Variants in SLC35F1 observed in about 807,000 individuals in gnomAD.
SLC35F1 encodes the protein chromosome 6 open reading frame 169.
In SLC35F1, 14 loss-of-function variants were observed where a neutral mutation model predicts 48.7. That is an observed-to-expected ratio of 0.29 (90% CI 0.19 to 0.45). The LOEUF (loss-of-function observed/expected upper bound fraction) is 0.45, where lower values mean the gene tolerates loss of function less well. Ranked by LOEUF, SLC35F1 falls within the 20% of genes least tolerant of loss-of-function variation. SLC35F1 has a pLI of 1.00. For synonymous variants in SLC35F1, 190 were observed against 202.2 expected (o/e 0.94, Z 0.51); for missense variants, 404 against 500.0 (o/e 0.81, Z 1.83).
At chr6:118,220,385 C>T (rs1410459917) in intron 2 of SLC35F1, among the ~76,000 whole-genome samples, 3 of 151,942 alleles carry the variant, frequency 2.0e-5, no homozygotes, top group Admixed American at 1.3e-4. Flanking sequence ...CATTCCCTTC[C>T]CCTGGGCTCT....
intron 2 of SLC35F1, among the ~76,000 whole-genome samples, chr6:118,199,293 G>A (rs1774842423): frequency 6.6e-6 from 1 of 152,148 alleles, no homozygotes; most frequent in Non-Finnish European, 1.5e-5. Context: ...GTCAGTCAAG[G>A]TCATCTGGGG....
chr6:118,026,706 GA>G (rs1409352962), intron 1 of SLC35F1, among the ~76,000 whole-genome samples: 2 of 152,186 alleles, frequency 1.3e-5, no homozygotes, highest in Non-Finnish European at 2.9e-5. Flanking sequence ...TTTTCAGCAT[GA>G]AGACGGTTGA....
chr6:118,079,815 G>C (rs1165461605), intron 1 of SLC35F1, among the ~76,000 whole-genome samples: 1 of 152,142 alleles, frequency 6.6e-6, no homozygotes, highest in Non-Finnish European at 1.5e-5. Context: ...TGTCCTGAGA[G>C]GGATGAGCTG....
chr6:117,985,720 T>C (rs1350963065), intron 1 of SLC35F1, among the ~76,000 whole-genome samples: 1 of 152,254 alleles, frequency 6.6e-6, no homozygotes. Context: ...GACTAGCAAG[T>C]CTTTCAATTA....
At chr6:118,042,138 A>G (rs2114902739) in intron 1 of SLC35F1, among the ~76,000 whole-genome samples, 1 of 152,204 alleles carries the variant, frequency 6.6e-6, no homozygotes, top group East Asian at 1.9e-4. Flanking sequence ...TTCCTTTTCT[A>G]TGTAGCCATC....
chr6:117,930,042 G>C (rs1188971400), intron 1 of SLC35F1, among the ~76,000 whole-genome samples: 1 of 152,174 alleles, frequency 6.6e-6, no homozygotes, highest in South Asian at 2.1e-4. Context: ...AAGTCACATA[G>C]ATACCAAGTG....
At chr6:117,946,794 G>C (rs1776301295) in intron 1 of SLC35F1, among the ~76,000 whole-genome samples, 1 of 152,146 alleles carries the variant, frequency 6.6e-6, no homozygotes, top group Admixed American at 6.6e-5. Flanking sequence ...AACTATTGCA[G>C]ACGTTTTTAG....
intron 1 of SLC35F1, among the ~76,000 whole-genome samples, chr6:118,017,387 C>T (rs890324858): frequency 6.6e-6 from 1 of 152,184 alleles, no homozygotes; most frequent in Non-Finnish European, 1.5e-5. Flanking sequence ...GCCAAGGTGG[C>T]TGCTCAATAG....
At chr6:117,965,740 A>T (rs558207113) in intron 1 of SLC35F1, among the ~76,000 whole-genome samples, 38 of 152,286 alleles carry the variant, frequency 2.5e-4, no homozygotes, top group Admixed American at 2.1e-3. Flanking sequence ...TGGTGTTGGC[A>T]GTGAGAGGTG....
At position 118,070,990 on chromosome 6, in the gene SLC35F1, A is replaced by ATG. The variant is rs1466181763; in HGVS notation, c.174-83455_174-83454insTG. Among the ~76,000 whole-genome samples, 288 of 85,076 alleles carry ATG rather than the reference A, an allele frequency of 3.4e-3. 8 individuals carry two copies. The highest frequency in any genetic ancestry group is 7.5e-3 in the Middle Eastern group (1 of 134). 55.8% of individuals were successfully genotyped at this position (85,076 alleles called of 152,430 possible). On this transcript the variant is annotated intron_variant, in intron 1 of 7. Transcript: ENST00000360388. ...TATATACACATAGTATATATATTCT[A>ATG]CGTGTGTGTATATATATACACGTAG...
intron 1 of SLC35F1, among the ~76,000 whole-genome samples, chr6:118,005,247 G>T (rs768563149): frequency 7.2e-5 from 11 of 152,112 alleles, no homozygotes; most frequent in Non-Finnish European, 1.5e-4. Context: ...GTGGAGAAGA[G>T]AGAAAACTGG....
At chr6:118,258,673 C>T (rs1326552357) in intron 3 of SLC35F1, among the ~76,000 whole-genome samples, 3 of 151,860 alleles carry the variant, frequency 2.0e-5, no homozygotes, top group Non-Finnish European at 4.4e-5. Context: ...AAAGCTACAG[C>T]AATTAAAGCA....
intron 1 of SLC35F1, among the ~76,000 whole-genome samples, chr6:117,986,264 C>T (rs899509279): frequency 1.3e-5 from 2 of 152,068 alleles, no homozygotes; most frequent in Non-Finnish European, 2.9e-5. Flanking sequence ...ATATAGCTCC[C>T]GTAGTTTAAA....
At chr6:118,281,226 T>C (rs1031751287) in intron 6 of SLC35F1, among the ~76,000 whole-genome samples, 14 of 128,410 alleles carry the variant, frequency 1.1e-4, no homozygotes, top group African/African-American at 4.1e-4. Flanking sequence ...ATATATAAAA[T>C]ATTAACTGAG....
chr6:118,025,561 C>A (rs1046864245), intron 1 of SLC35F1, among the ~76,000 whole-genome samples: 3 of 152,090 alleles, frequency 2.0e-5, no homozygotes, highest in Non-Finnish European at 2.9e-5. Context: ...TGTTCCATCT[C>A]CTTGAGGGAT....
At chr6:117,951,676 G>T (rs1356009670) in intron 1 of SLC35F1, among the ~76,000 whole-genome samples, 1 of 152,138 alleles carries the variant, frequency 6.6e-6, no homozygotes, top group Non-Finnish European at 1.5e-5. Flanking sequence ...TTGCTTCTTT[G>T]TGCTGTGCAG....
intron 7 of SLC35F1, among the ~76,000 whole-genome samples, chr6:118,288,476 T>C (rs1241469010): frequency 6.6e-6 from 1 of 152,196 alleles, no homozygotes; most frequent in Non-Finnish European, 1.5e-5. Context: ...GATTTAAACA[T>C]TTTCTGATCA....
At chr6:118,204,001 G>T (rs976854177) in intron 2 of SLC35F1, among the ~76,000 whole-genome samples, 1 of 151,858 alleles carries the variant, frequency 6.6e-6, no homozygotes, top group African/African-American at 2.4e-5. Context: ...AATAAATGCC[G>T]TAAAGGAAAT....
intron 1 of SLC35F1, among the ~76,000 whole-genome samples, chr6:118,006,791 C>A (rs1055335048): frequency 6.6e-6 from 1 of 152,016 alleles, no homozygotes; most frequent in Non-Finnish European, 1.5e-5. Flanking sequence ...TCCATACACA[C>A]CCCCCTGAAT....
Sources: allele counts gnomAD v4.1 joint callset (sites outside exome capture counted in the v4.1 genomes callset), GRCh38; gene constraint gnomAD v4.1.1; transcripts MANE v1.5; gene names NCBI Gene and HGNC (gene_info 2026-07-23, HGNC 2026-07-21).